The following HPS5 variants were observed in gnomAD, a reference collection of about 807,000 sequenced individuals.
The protein encoded by HPS5 is HPS5 biogenesis of lysosomal organelles complex 2 subunit 2.
HPS5 carries 83 observed loss-of-function variants against 128.0 expected under a neutral mutation model. The observed-to-expected ratio is 0.65, with a 90% confidence interval of 0.54 to 0.78. HPS5 has a LOEUF of 0.78. HPS5 is among the 30% of genes least tolerant of loss of function. The probability of loss-of-function intolerance (pLI) is 0.00; values close to 1 mark genes in which losing one functional copy is unlikely to be tolerated. For synonymous variants in HPS5, 475 were observed against 470.2 expected, an observed-to-expected ratio of 1.01 and a Z score of -0.13; for missense variants, 1,281 against 1,326.2, an observed-to-expected ratio of 0.97 and a Z score of 0.53.
intron 14 of HPS5, among the ~76,000 whole-genome samples, chr11:18,294,429 T>C (rs1351872363): frequency 6.6e-6 from 1 of 152,076 alleles, no homozygotes; most frequent in Non-Finnish European, 1.5e-5. Flanking sequence ...ATCAGTGACA[T>C]TCCCAAAGTC....
chr11:18,296,497 T>G (rs1371804490), intron 12 of HPS5: 1 of 582,058 alleles, frequency 1.7e-6, no homozygotes, highest in Non-Finnish European at 3.0e-6. Context: ...ATTTGGTTAG[T>G]CAGAATAAAA....
In HPS5 at chr11:18,300,936, G is replaced by C. The variant is rs1364407898; in HGVS notation, c.897-20C>G. 2 of 1,392,894 alleles carry C rather than the reference G, an allele frequency of 1.4e-6. No individual in the cohort carries two copies. 86.3% of individuals were successfully genotyped at this position (1,392,894 alleles called of 1,614,324 possible). A position where few individuals can be genotyped will look rare whatever the true frequency, so the allele number is the denominator to read the frequency against. ...TGCTCACTGCAAGAGAAGAAGTGAA[G>C]AGAATTCAAGTGTGCTAGGATACAA... is the stretch of plus-strand genomic sequence containing the variant. On this transcript the variant is annotated intron_variant, in intron 8 of 22. Coordinates refer to ENST00000349215, the MANE Select transcript of HPS5 (RefSeq NM_181507.2).
intron 22 of HPS5, among the ~76,000 whole-genome samples, chr11:18,281,699 C>T (rs1359086426): frequency 6.6e-6 from 1 of 152,126 alleles, no homozygotes; most frequent in East Asian, 1.9e-4. Flanking sequence ...CCACCACGAC[C>T]AGCCTGGTAC....
In HPS5 at chr11:18,306,169, G is replaced by A. The variant is rs2134431937; in HGVS notation, c.790C>T (p.Leu264Phe). ...ATCACAGGGAGAGGTGGCAACGAGA[G>A]GAGTTTCTTGAACTGATGTGTACTT... Reference protein sequence around the residue: ...VISTHQFKKLLSLPPLPVITL... With the variant: ...VISTHQFKKLFSLPPLPVITL... The change falls in exon 7 of 23, where the codon CTC becomes TTC. Residue 264 changes from leucine to phenylalanine, a missense_variant. Leu to Phe is a conservative substitution (Grantham distance 22, BLOSUM62 0). Coordinates refer to ENST00000349215, the MANE Select transcript of HPS5 (RefSeq NM_181507.2). 2 of 1,613,902 alleles carry A rather than the reference G, an allele frequency of 1.2e-6. No homozygotes were observed. The highest frequency in any genetic ancestry group is 2.2e-5 in the East Asian group (1 of 44,880).
At position 18,297,630 on chromosome 11, in the gene HPS5, C is replaced by T. The variant is rs1461927795; in HGVS notation, c.1252G>A (p.Glu418Lys). 1 of 1,613,784 alleles carries T rather than the reference C, an allele frequency of 6.2e-7. No individual in the cohort carries two copies. Among genetic ancestry groups the T allele is most frequent in the Admixed American group, 1.7e-5 (1 of 60,028 alleles). The change falls in exon 11 of 23, where the codon GAA (glutamate) becomes AAA (lysine). Residue 418 changes from glutamate (E) to lysine (K), a missense_variant. Transcript: ENST00000349215. ...GTYNDLISQL[E>K]ELILKFEPLD... ...GGTTCAAATTTTAAGATCAATTCTT[C>T]CAGTTGAGAAATTAGATCATTGTAG...
intron 19 of HPS5, 72 bp from the exon 20 acceptor site, chr11:18,285,531 A>G: frequency 9.9e-7 from 1 of 1,008,366 alleles, no homozygotes; most frequent in Non-Finnish European, 1.6e-6. Context: ...ATCACCTAAT[A>G]GGTAAGAATA....
chr11:18,296,037 A>C lies in HPS5; in HGVS notation c.1596T>G (p.Ser532=), dbSNP rs1319925306. 6.2e-7 allele frequency: 1 copy of C among 1,613,804 alleles called. No individual in the cohort carries two copies. The highest frequency in any genetic ancestry group is 2.2e-5 in the East Asian group (1 of 44,870). The change falls in exon 13 of 23, where the codon TCT becomes TCG. Residue 532 remains serine, a synonymous_variant. Coordinates refer to ENST00000349215, the MANE Select transcript of HPS5 (RefSeq NM_181507.2). ...LPFGIPLPFR[S]PSPLVSLQAV... is the part of the protein sequence containing the mutation. ...CCTGAAGAGACACAAGAGGAGATGG[A>C]GAACGAAATGGTAATGGAATGCCGA...
Position 18,297,574 on chromosome 11 carries a change from GCTT to G in HPS5, c.1305_1307del (p.Arg435del). 1 of 1,613,728 alleles carries G rather than the reference GCTT, an allele frequency of 6.2e-7. No individual in the cohort carries two copies. On this transcript the variant is annotated inframe_deletion, in exon 11 of 23. Coordinates refer to ENST00000349215, the MANE Select transcript of HPS5 (RefSeq NM_181507.2). ...GAATACTTACATGTGATGAAATGGAGCTTCTTCTACTGCTACAAGCTGAATCCA... is the reference window on the plus strand; with the variant it reads ...GAATACTTACATGTGATGAAATGGAGCTTCTACTGCTACAAGCTGAATCCA...
At chr11:18,319,935 A>G (rs1216051772) in intron 1 of HPS5, among the ~76,000 whole-genome samples, 2 of 152,116 alleles carry the variant, frequency 1.3e-5, no homozygotes, top group East Asian at 3.8e-4. Flanking sequence ...AGGATCCAAG[A>G]GATGGAAAGG....
intron 12 of HPS5, 105 bp downstream of exon 12, chr11:18,296,690 AATT>A (rs1861107414): frequency 9.7e-7 from 1 of 1,026,950 alleles, no homozygotes; most frequent in Non-Finnish European, 1.6e-6. Flanking sequence ...ACATGTTAAA[AATT>A]ATTAACACTT....
intron 16 of HPS5, 130 bp from the exon 17 acceptor site, chr11:18,288,143 A>G (rs2134254368): frequency 1.1e-6 from 1 of 905,634 alleles, no homozygotes; most frequent in Admixed American, 2.3e-5. Context: ...AAGGCCCAAT[A>G]TTAAGCATTA....
chr11:18,298,957 C>T lies in HPS5; in HGVS notation c.999G>A (p.Val333=), dbSNP rs776605223. 3 of 1,614,146 alleles carry T rather than the reference C, an allele frequency of 1.9e-6. No individual in the cohort carries two copies. In the East Asian group the frequency reaches 6.7e-5, roughly 36 times the overall value. Residue 333 remains valine (V), a synonymous_variant, in exon 10 of 23, where the codon GTG becomes GTA. Coordinates refer to ENST00000349215, the MANE Select transcript of HPS5 (RefSeq NM_181507.2). ...AGAACAATTCATTCCTACAGACAGC[C>T]ACATCCTGAATATCTACGAAAACCA... The part of the protein sequence containing the change: ...LWSEVKDIQD[V]AVCRNELFCL...
chr11:18,281,937 A>G lies in HPS5; in HGVS notation c.3329+13T>C. 6.2e-7 allele frequency: 1 copy of G among 1,614,176 alleles called. No homozygotes were observed. The highest frequency in any genetic ancestry group is 8.5e-7 in the Non-Finnish European group (1 of 1,180,030). ...CCAAGCACTATGCAGAGGGTAGGAC[A>G]AACTGATATTACCTCTGCCTTTTCT... On this transcript the variant is annotated intron_variant, in intron 22 of 22. Coordinates refer to ENST00000349215, the MANE Select transcript of HPS5 (RefSeq NM_181507.2).
Position 18,300,795 on chromosome 11 carries a change from G to A in HPS5, c.985+33C>T, listed in dbSNP as rs745909836. 24 of 1,071,590 alleles carry A rather than the reference G, an allele frequency of 2.2e-5. No homozygotes were observed. The Admixed American group carries it at 4.2e-4, about 19-fold the overall frequency. 66.4% of individuals were successfully genotyped at this position (1,071,590 alleles called of 1,614,324 possible). A position where few individuals can be genotyped will look rare whatever the true frequency, so the allele number is the denominator to read the frequency against. On this transcript the variant is annotated intron_variant, in intron 9 of 22. Transcript: ENST00000349215. ...ACAATAATCAAATTTTCATAAGCAT[G>A]AGATTAAAAATTACAAAGAAAAATA...
At chr11:18,314,535 AAAT>A (rs1863389506) in intron 2 of HPS5, 4 of 112,036 alleles carry the variant, frequency 3.6e-5, no homozygotes, top group African/African-American at 1.5e-4. Flanking sequence ...TCTCAAAAAT[AAAT>A]AAATAAATAA....
Position 18,291,849 on chromosome 11 carries a change from T to C in HPS5, c.2033A>G (p.Glu678Gly). 6.2e-7 allele frequency: 1 copy of C among 1,610,794 alleles called. No individual in the cohort carries two copies. The highest frequency in any genetic ancestry group is 8.5e-7 in the Non-Finnish European group (1 of 1,178,478). ...TTCATCTAATATTCCCTTTTTTGAT[T>C]CATTAACTAATAGCACATCCTGGTT... is the stretch of plus-strand genomic sequence containing the variant. ...KLNQDVLLVN[E>G]SKKGILDEDN... The change falls in exon 16 of 23, where the codon GAA becomes GGA. Residue 678 changes from glutamate (E) to glycine (G), a missense_variant. Transcript: ENST00000349215.
intron 2 of HPS5, among the ~76,000 whole-genome samples, chr11:18,317,095 G>C (rs998961312): frequency 6.6e-6 from 1 of 151,836 alleles, no homozygotes; most frequent in Admixed American, 6.6e-5. Flanking sequence ...TTGGGAGGCT[G>C]AGGCAGGAAA....
rs772399992 is a variant in HPS5 at position 18,298,955 on chromosome 11, G to A, written c.1001C>T (p.Ala334Val). Residue 334 changes from alanine to valine, a missense_variant, in exon 10 of 23, where the codon GCT becomes GTT. By Grantham distance (64) the Ala-to-Val change is moderately conservative (BLOSUM62 0). Coordinates refer to ENST00000349215, the MANE Select transcript of HPS5 (RefSeq NM_181507.2). ...ACAGAACAATTCATTCCTACAGACA[G>A]CCACATCCTGAATATCTACGAAAAC... ...WSEVKDIQDV[A>V]VCRNELFCLH... 9 of 1,613,996 alleles carry A rather than the reference G, an allele frequency of 5.6e-6. No individual in the cohort carries two copies. The African/African-American group carries it at 1.2e-4, about 22-fold the overall frequency.
intron 7 of HPS5, among the ~76,000 whole-genome samples, 178 bp downstream of exon 7, chr11:18,305,957 C>T (rs1862311971): frequency 6.6e-6 from 1 of 152,188 alleles, no homozygotes. Flanking sequence ...TGGTCTCGAT[C>T]TCCTGACCTC....
Sources: gnomAD v4.1 joint callset for allele counts (sites outside exome capture counted in the v4.1 genomes callset) on GRCh38, gnomAD v4.1.1 for gene constraint, MANE v1.5 for transcripts, NCBI Gene and HGNC (gene_info 2026-07-23, HGNC 2026-07-21) for gene names.